Variants in LIPC observed in about 807,000 individuals in gnomAD.
LIPC encodes hepatic triacylglycerol lipase.
LIPC carries 44 observed loss-of-function variants against 50.7 expected under a neutral mutation model. The ratio of observed to expected loss-of-function variants is 0.87; its 90% confidence interval spans 0.68 to 1.11. The LOEUF (loss-of-function observed/expected upper bound fraction) is 1.11, where lower values mean the gene tolerates loss of function less well. LIPC is among the 50% of genes most tolerant of loss of function. The pLI, the probability that LIPC is intolerant of heterozygous loss-of-function variation, is 0.00. For synonymous variants in LIPC, 271 were observed against 256.4 expected (o/e 1.06, Z -0.54); for missense variants, 697 against 648.2 (o/e 1.08, Z -0.82).
chr15:58,512,937 T>C (rs1357935293), intron 1 of LIPC, among the ~76,000 whole-genome samples: 3 of 150,972 alleles, frequency 2.0e-5, no homozygotes, highest in African/African-American at 7.3e-5. Flanking sequence ...CTCCATTATA[T>C]TGGGCAAAAC....
At chr15:58,524,262 A>G (rs921095605) in intron 1 of LIPC, among the ~76,000 whole-genome samples, 1 of 152,234 alleles carries the variant, frequency 6.6e-6, no homozygotes, top group African/African-American at 2.4e-5. Context: ...ATCTTTTCAA[A>G]TCAGTACAGA....
At chr15:58,490,098 A>T (rs772531058) in intron 1 of LIPC, among the ~76,000 whole-genome samples, 2 of 152,172 alleles carry the variant, frequency 1.3e-5, no homozygotes, top group Non-Finnish European at 2.9e-5. Context: ...CTGAGACAGG[A>T]TTTACTATTC....
intron 1 of LIPC, among the ~76,000 whole-genome samples, chr15:58,515,971 A>C (rs1892473449): frequency 6.6e-6 from 1 of 152,148 alleles, no homozygotes; most frequent in Non-Finnish European, 1.5e-5. Flanking sequence ...ATAAGCGCGA[A>C]CACGGGGCTG....
intron 1 of LIPC, chr15:58,436,646 A>G (rs1473603482): frequency 6.7e-6 from 3 of 448,740 alleles, no homozygotes; most frequent in Non-Finnish European, 1.3e-5. Context: ...TACATGAGGT[A>G]TACCACTGAG....
intron 6 of LIPC, among the ~76,000 whole-genome samples, chr15:58,553,546 T>C (rs1276312968): frequency 6.6e-6 from 1 of 152,200 alleles, no homozygotes; most frequent in Non-Finnish European, 1.5e-5. Flanking sequence ...TGAGACATGA[T>C]GGTGCCACTG....
rs1893336975 is a variant in LIPC at position 58,541,805 on chromosome 15, CTGGA to C, written c.296_299del (p.Trp99SerfsTer8). ...CTCAGGTGGACGGCGTGCTAGAAAA[CTGGA>C]TCTGGCAGATGGTGGCCGCGCTGAA... On this transcript the variant is annotated frameshift_variant, in exon 3 of 9. Transcript: ENST00000299022. LOFTEE classifies it high-confidence loss of function. 1 of 1,613,762 alleles carries C rather than the reference CTGGA, an allele frequency of 6.2e-7. No homozygotes were observed. The highest frequency in any genetic ancestry group is 8.5e-7 in the Non-Finnish European group (1 of 1,179,970).
chr15:58,460,704 T>C (rs1894315420), intron 1 of LIPC, among the ~76,000 whole-genome samples: 1 of 152,158 alleles, frequency 6.6e-6, no homozygotes, highest in African/African-American at 2.4e-5. Flanking sequence ...GTCCATTTCC[T>C]ACTCGCCATG....
intron 6 of LIPC, among the ~76,000 whole-genome samples, chr15:58,556,261 C>T (rs939213539): frequency 1.3e-5 from 2 of 152,096 alleles, no homozygotes. Context: ...TCCTTGGAGG[C>T]CTAGTGTGTG....
chr15:58,554,346 C>T (rs1893862293), intron 6 of LIPC, among the ~76,000 whole-genome samples: 1 of 152,074 alleles, frequency 6.6e-6, no homozygotes, highest in Non-Finnish European at 1.5e-5. Flanking sequence ...TTTCTCCTGC[C>T]AGAACTTGGG....
intron 1 of LIPC, among the ~76,000 whole-genome samples, chr15:58,473,059 G>C (rs1331963250): frequency 6.6e-6 from 1 of 152,162 alleles, no homozygotes; most frequent in African/African-American, 2.4e-5. Flanking sequence ...GCTGGGGAGG[G>C]GGAGGACGGC....
chr15:58,474,553 C>T (rs1890920627), intron 1 of LIPC, among the ~76,000 whole-genome samples: 1 of 150,052 alleles, frequency 6.7e-6, no homozygotes, highest in African/African-American at 2.5e-5. Flanking sequence ...ACGAATTTCA[C>T]ATTCCACCCT....
chr15:58,540,097 C>G (rs1390858724), intron 2 of LIPC, among the ~76,000 whole-genome samples: 1 of 152,216 alleles, frequency 6.6e-6, no homozygotes, highest in Non-Finnish European at 1.5e-5. Context: ...TACTGTGGGC[C>G]ACTATCCATT....
chr15:58,499,096 G>A (rs1407727034), intron 1 of LIPC, among the ~76,000 whole-genome samples: 1 of 152,216 alleles, frequency 6.6e-6, no homozygotes, highest in African/African-American at 2.4e-5. Context: ...GAAGAATGGA[G>A]AGACAGTGCC....
chr15:58,537,766 C>T (rs1228656827), intron 1 of LIPC, among the ~76,000 whole-genome samples: 1 of 152,154 alleles, frequency 6.6e-6, no homozygotes, highest in Non-Finnish European at 1.5e-5. Flanking sequence ...ATCCACTACT[C>T]CCTCTGTGAT....
chr15:58,548,727 A>C (rs1230008476), intron 6 of LIPC, among the ~76,000 whole-genome samples, 155 bp downstream of exon 6: 17 of 152,194 alleles, frequency 1.1e-4, no homozygotes, highest in Admixed American at 8.5e-4. Flanking sequence ...ACGTTGACAC[A>C]GCCTTTCTCC....
chr15:58,466,176 C>G (rs1176748958), intron 1 of LIPC, among the ~76,000 whole-genome samples: 1 of 152,236 alleles, frequency 6.6e-6, no homozygotes, highest in African/African-American at 2.4e-5. Context: ...CTATCCATCT[C>G]AATGATTTGA....
intron 6 of LIPC, among the ~76,000 whole-genome samples, chr15:58,548,911 G>A (rs892002529): frequency 6.6e-6 from 1 of 152,196 alleles, no homozygotes; most frequent in Admixed American, 6.5e-5. Flanking sequence ...GTACAGGGAC[G>A]TCAGGCATCT....
intron 1 of LIPC, among the ~76,000 whole-genome samples, chr15:58,470,926 T>G (rs543136550): frequency 1.3e-5 from 2 of 152,212 alleles, no homozygotes; most frequent in South Asian, 4.1e-4. Context: ...GTCTGCCTCC[T>G]TTTCATCTTC....
In LIPC at chr15:58,545,839, C is replaced by G. The variant is rs6084; in HGVS notation, c.672C>G (p.Thr224=). 757,472 of 1,613,898 alleles carry G rather than the reference C, an allele frequency of 0.47. 186,223 individuals carry two copies. The highest frequency in any genetic ancestry group is 0.55 in the Middle Eastern group (3,338 of 6,062). ...ANFVDAIHTF[T]REHMGLSVGI... ...TTGTGGATGCCATTCATACCTTTAC[C>G]CGGGAGCACATGGGCCTGAGCGTGG... The change falls in exon 5 of 9, where the codon ACC becomes ACG. Residue 224 remains threonine, a synonymous_variant. Transcript: ENST00000299022.
Sources: gnomAD v4.1 joint callset for allele counts (sites outside exome capture counted in the v4.1 genomes callset) on GRCh38, gnomAD v4.1.1 for gene constraint, MANE v1.5 for transcripts, NCBI Gene and HGNC (gene_info 2026-07-23, HGNC 2026-07-21) for gene names.